The following DACT1 variants were observed in gnomAD, a reference collection of about 807,000 sequenced individuals.
DACT1 encodes dapper homolog 1.
Under a neutral mutation model 35.3 loss-of-function variants are expected in DACT1, and 19 were observed. The ratio of observed to expected loss-of-function variants is 0.54; its 90% CI spans 0.38 to 0.79. The LOEUF is 0.79. DACT1 is among the 30% of genes least tolerant of loss of function. DACT1 has a pLI of 0.00. For missense variants in DACT1, 1,143 were observed against 1,057.5 expected, an observed-to-expected ratio of 1.08 and a Z score of -1.12; for synonymous variants, 545 against 466.7, an observed-to-expected ratio of 1.17 and a Z score of -2.16.
In DACT1 at chr14:58,648,111, G is replaced by A. The variant is rs2047712960; in HGVS notation, c.*977G>A. 1 of 166,978 alleles carries A rather than the reference G, an allele frequency of 6.0e-6. No individual in the cohort carries two copies. Among genetic ancestry groups the A allele is most frequent in the Admixed American group, 6.5e-5 (1 of 15,276 alleles). The allele number at this position is 166,978 out of a possible 1,614,324, so 10.3% of individuals were successfully genotyped here. ...TTGGTAAACAGTATTGTGTAAAATT[G>A]CTTTTTGTATACCAATATATGCATG... On this transcript the variant is annotated 3_prime_UTR_variant, in exon 4 of 4. Transcript: ENST00000395153.
chr14:58,638,102 C>A lies in DACT1; in HGVS notation c.-101C>A. 1 of 1,165,496 alleles carries A rather than the reference C, an allele frequency of 8.6e-7. No homozygotes were observed. The highest frequency in any genetic ancestry group is 1.1e-6 in the Non-Finnish European group (1 of 935,522). 72.2% of individuals were successfully genotyped at this position (1,165,496 alleles called of 1,614,324 possible). On this transcript the variant is annotated 5_prime_UTR_variant, in exon 1 of 4. Transcript: ENST00000395153. Reference sequence around the variant, plus strand: ...TCCCCGCCAGCGCCGCGCCCCGCCACAGGGCGGCATGAGCCCACCCGCGGC... The same window carrying A: ...TCCCCGCCAGCGCCGCGCCCCGCCAAAGGGCGGCATGAGCCCACCCGCGGC...
chr14:58,641,886 C>T, intron 3 of DACT1, 139 bp downstream of exon 3: 1 of 777,426 alleles, frequency 1.3e-6, no homozygotes, highest in Non-Finnish European at 2.0e-6. Context: ...ATACTTACAT[C>T]TAGAACTCAG....
In DACT1 at chr14:58,645,841, T is replaced by C. The variant is rs765385638; in HGVS notation, c.1107T>C (p.Pro369=). The C allele has an allele frequency of 6.2e-7, 1 of 1,614,262 alleles. No individual in the cohort carries two copies. Among genetic ancestry groups the C allele is most frequent in the Non-Finnish European group, 8.5e-7 (1 of 1,180,048 alleles). The change falls in exon 4 of 4, where the codon CCT becomes CCC. Residue 369 remains proline, a synonymous_variant. Coordinates refer to ENST00000395153, the MANE Select transcript of DACT1 (RefSeq NM_001079520.2). ...KQACLPSGGI[P]SLNNGTFSPP... is the part of the protein sequence containing the mutation. The stretch of plus-strand genomic sequence containing the variant: ...CGTGTCTGCCCTCTGGCGGGATACC[T>C]TCTCTGAACAATGGGACATTCTCCC...
chr14:58,646,156 G>A lies in DACT1; in HGVS notation c.1422G>A (p.Gln474=), dbSNP rs768525335. 60 of 1,613,504 alleles carry A rather than the reference G, an allele frequency of 3.7e-5. No homozygotes were observed. The highest frequency in any genetic ancestry group is 4.8e-5 in the Non-Finnish European group (57 of 1,179,890). ...TACAGCCCCTGAAAAAGATGTCACA[G>A]AAAAACAGCCTGCAGGGCGTCCCCC... The part of the protein sequence containing the change: ...KVVQPLKKMS[Q]KNSLQGVPPA... Residue 474 remains glutamine, a synonymous_variant, in exon 4 of 4, where the codon CAG becomes CAA. Transcript: ENST00000395153.
chr14:58,642,422 C>T (rs2047636237), intron 3 of DACT1, among the ~76,000 whole-genome samples: 1 of 151,208 alleles, frequency 6.6e-6, no homozygotes, highest in African/African-American at 2.4e-5. Context: ...AGGTAGAGGT[C>T]ATAGTGAGCC....
chr14:58,641,811 A>T, intron 3 of DACT1, 64 bp downstream of exon 3: 2 of 1,521,298 alleles, frequency 1.3e-6, no homozygotes, highest in Non-Finnish European at 1.8e-6. Context: ...TTAAAAGGTT[A>T]TTTGGCTCCA....
In DACT1 at chr14:58,638,350, G is replaced by A. The variant is rs1046789755; in HGVS notation, c.148G>A (p.Ala50Thr). 10 of 1,308,536 alleles carry A rather than the reference G, an allele frequency of 7.6e-6. No individual in the cohort carries two copies. The highest frequency in any genetic ancestry group is 8.7e-6 in the Non-Finnish European group (9 of 1,033,662). 81.1% of individuals were successfully genotyped at this position (1,308,536 alleles called of 1,614,324 possible). The change falls in exon 1 of 4, where the codon GCC becomes ACC. Residue 50 changes from alanine (A) to threonine (T), a missense_variant. By Grantham distance (58) the Ala-to-Thr change is moderately conservative (BLOSUM62 0). This residue lies in a region of DACT1 where 85 missense variants were observed against 81.8 expected (regional missense o/e 1.04). Coordinates refer to ENST00000395153, the MANE Select transcript of DACT1 (RefSeq NM_001079520.2). Reference protein sequence around the residue: ...ERQRTRERQEATLAGLAELEY... With the variant: ...ERQRTRERQETTLAGLAELEY... Reference sequence around the variant, plus strand: ...GCAGCGCACCCGGGAGCGGCAGGAGGCCACGCTGGCCGGGCTGGCGGAGCT... The same window carrying A: ...GCAGCGCACCCGGGAGCGGCAGGAGACCACGCTGGCCGGGCTGGCGGAGCT...
At chr14:58,643,627 T>G (rs1202280588) in intron 3 of DACT1, among the ~76,000 whole-genome samples, 1 of 152,158 alleles carries the variant, frequency 6.6e-6, no homozygotes, top group Non-Finnish European at 1.5e-5. Flanking sequence ...TAAAGGCACT[T>G]TGGTTTAGGT....
intron 2 of DACT1, 60 bp from the exon 3 acceptor site, chr14:58,641,532 A>G: frequency 6.6e-7 from 1 of 1,523,868 alleles, no homozygotes; most frequent in East Asian, 2.3e-5. Context: ...TTTCCTGTTA[A>G]GCGTGAATAT....
rs1446368284 is a variant in DACT1, at chr14:58,638,535, A to C, written c.333A>C (p.Leu111=). ...TCTTGGAGGAGAACATCTTGCTGCT[A>C]AGAAAGCAATTGGTAGGTCGTGCCC... The part of the protein sequence containing the change: ...EKFLEENILL[L]RKQLNCLRRR... Residue 111 remains leucine, a synonymous_variant, in exon 1 of 4, where the codon CTA becomes CTC. Coordinates refer to ENST00000395153, the MANE Select transcript of DACT1 (RefSeq NM_001079520.2). 1.4e-5 allele frequency: 19 copies of C among 1,342,514 alleles called. No individual in the cohort carries two copies. The highest frequency in any genetic ancestry group is 1.7e-5 in the Non-Finnish European group (18 of 1,039,740). The allele number at this position is 1,342,514 out of a possible 1,614,324, so 83.2% of individuals were successfully genotyped here. A position where few individuals can be genotyped will look rare whatever the true frequency, so the allele number is the denominator to read the frequency against.
upstream of DACT1, among the ~76,000 whole-genome samples, chr14:58,636,024 A>G (rs917542789): frequency 4.6e-5 from 7 of 152,206 alleles, no homozygotes; most frequent in African/African-American, 1.7e-4. Flanking sequence ...TATATTATAA[A>G]GTAGTGTTTG....
At chr14:58,637,571 A>C (rs1182746163), upstream of DACT1, among the ~76,000 whole-genome samples, 2 of 152,144 alleles carry the variant, frequency 1.3e-5, no homozygotes, top group Non-Finnish European at 2.9e-5. Context: ...GTCGAGTTTC[A>C]GAAAGTTCTC....
intron 3 of DACT1, 55 bp downstream of exon 3, chr14:58,641,802 TA>T: frequency 6.4e-7 from 1 of 1,563,772 alleles, no homozygotes; most frequent in East Asian, 2.2e-5. Context: ...CAAGGGCCCT[TA>T]AAAGGTTATT....
At chr14:58,641,454 A>G in intron 2 of DACT1, 138 bp from the exon 3 acceptor site, 2 of 913,580 alleles carry the variant, frequency 2.2e-6, no homozygotes, top group Non-Finnish European at 3.3e-6. Flanking sequence ...TTAGGACACC[A>G]AAGTCCAATG....
intron 1 of DACT1, chr14:58,639,184 TGTCC>T: frequency 2.0e-6 from 2 of 985,428 alleles, no homozygotes; most frequent in Non-Finnish European, 2.4e-6. Context: ...CTGGAGACTG[TGTCC>T]CCTCCTCTCA....
intron 1 of DACT1, chr14:58,638,777 G>A: frequency 8.4e-7 from 1 of 1,193,318 alleles, no homozygotes; most frequent in Non-Finnish European, 1.0e-6. Context: ...TGGCGACCTC[G>A]CGCGGATTGC....
chr14:58,637,908 G>A (rs1335200423), upstream of DACT1: 1 of 164,368 alleles, frequency 6.1e-6, no homozygotes, highest in African/African-American at 2.4e-5. Flanking sequence ...GGGGAGGCGG[G>A]CGCCAGGCGG....
At chr14:58,640,228 T>C (rs1287282895) in intron 1 of DACT1, among the ~76,000 whole-genome samples, 1 of 152,242 alleles carries the variant, frequency 6.6e-6, no homozygotes, top group Non-Finnish European at 1.5e-5. Flanking sequence ...TATTAGTTTC[T>C]CACTTTCAAA....
rs1473497991 is a variant in DACT1, at chr14:58,646,796, G to A, written c.2062G>A (p.Glu688Lys). 4.3e-6 allele frequency: 7 copies of A among 1,614,138 alleles called. No individual in the cohort carries two copies. Among genetic ancestry groups the A allele is most frequent in the South Asian group, 1.1e-5 (1 of 91,086 alleles). Residue 688 changes from glutamate to lysine, a missense_variant, in exon 4 of 4, where the codon GAG becomes AAG. Physicochemically the swap from Glu to Lys is moderately conservative, Grantham distance 56. This residue lies in a region of DACT1 where 1,054 missense variants were observed against 958.8 expected (regional missense o/e 1.10). Transcript: ENST00000395153. Reference protein sequence around the residue: ...SPYAYVASDSEYSAECESLFH... With the variant: ...SPYAYVASDSKYSAECESLFH... The stretch of plus-strand genomic sequence containing the variant: ...CTACGCCTACGTGGCTAGCGACTCC[G>A]AGTACTCGGCCGAGTGCGAGTCCCT...
Sources: allele counts gnomAD v4.1 joint callset (sites outside exome capture counted in the v4.1 genomes callset), GRCh38; gene constraint gnomAD v4.1.1; regional missense constraint gnomAD v4.1.1; transcripts MANE v1.5; gene names NCBI Gene and HGNC (gene_info 2026-07-23, HGNC 2026-07-21).